Variants in NIBAN1 observed in about 807,000 individuals in gnomAD.
The protein encoded by NIBAN1 is protein Niban 1.
NIBAN1 carries 81 observed loss-of-function variants against 75.1 expected under a neutral mutation model. The observed-to-expected ratio is 1.08, with a 90% confidence interval of 0.90 to 1.30. The LOEUF (loss-of-function observed/expected upper bound fraction) is 1.30. Among genes scored for constraint, NIBAN1 ranks in the 50% most tolerant of loss-of-function variants. The pLI is 0.00. For synonymous variants in NIBAN1, 436 were observed against 424.8 expected (o/e 1.03, Z -0.32); for missense variants, 1,133 against 1,128.1 (o/e 1.00, Z -0.06).
intron 3 of NIBAN1, 98 bp downstream of exon 3, chr1:184,893,977 G>A (rs1300210065): frequency 7.9e-7 from 1 of 1,265,014 alleles, no homozygotes. Flanking sequence ...TGCTGATTTT[G>A]TTAGTATAGC....
At chr1:184,956,317 G>C (rs544147202) in intron 1 of NIBAN1, among the ~76,000 whole-genome samples, 1 of 152,304 alleles carries the variant, frequency 6.6e-6, no homozygotes, top group African/African-American at 2.4e-5. Flanking sequence ...AGCCAGGTCA[G>C]AGATTATTGA....
chr1:184,829,131 C>T (rs1246607253), intron 6 of NIBAN1, among the ~76,000 whole-genome samples: 1 of 152,126 alleles, frequency 6.6e-6, no homozygotes, highest in African/African-American at 2.4e-5. Context: ...ACACTTGATA[C>T]CTCCAGTGAT....
intron 8 of NIBAN1, 89 bp from the exon 9 acceptor site, chr1:184,818,914 A>G (rs1333603427): frequency 7.1e-7 from 1 of 1,411,712 alleles, no homozygotes; most frequent in East Asian, 2.3e-5. Flanking sequence ...ATGGTGCCCC[A>G]CGGAGCCATT....
chr1:184,844,508 G>A lies in NIBAN1; in HGVS notation c.602-12546C>T, dbSNP rs1188760265. ...GCAATCTCATGAGACAGGTAAGCCAGATGTAATCATTTCTGGTAGAAAATG... is the reference window on the plus strand; with the variant it reads ...GCAATCTCATGAGACAGGTAAGCCAAATGTAATCATTTCTGGTAGAAAATG... On this transcript the variant is annotated intron_variant, in intron 5 of 13. Coordinates refer to ENST00000367511, the MANE Select transcript of NIBAN1 (RefSeq NM_052966.4). 3.3e-5 allele frequency among the ~76,000 whole-genome samples: 5 copies of A among 152,178 alleles called. No individual in the cohort carries two copies. The East Asian group carries it at 9.6e-4, about 29-fold the overall frequency.
intron 1 of NIBAN1, among the ~76,000 whole-genome samples, chr1:184,967,551 G>C (rs1658828271): frequency 6.6e-6 from 1 of 152,030 alleles, no homozygotes. Context: ...TTACAAATTG[G>C]GCTCCTGCTA....
At chr1:184,854,697 A>C (rs1358110232) in intron 5 of NIBAN1, among the ~76,000 whole-genome samples, 6 of 152,346 alleles carry the variant, frequency 3.9e-5, no homozygotes, top group African/African-American at 1.2e-4. Context: ...GCAACAATCC[A>C]CTATATTTAT....
At chr1:184,891,531 T>G (rs904705322) in intron 3 of NIBAN1, among the ~76,000 whole-genome samples, 2 of 152,192 alleles carry the variant, frequency 1.3e-5, no homozygotes, top group African/African-American at 4.8e-5. Context: ...TTATACCACT[T>G]AATCCTCAAA....
intron 1 of NIBAN1, among the ~76,000 whole-genome samples, chr1:184,971,619 G>C (rs547683890): frequency 1.3e-5 from 2 of 152,142 alleles, no homozygotes; most frequent in Admixed American, 1.3e-4. Context: ...GCAGTGATCC[G>C]AGATCGTGCC....
chr1:184,835,457 C>A (rs1655113162), intron 5 of NIBAN1, among the ~76,000 whole-genome samples: 1 of 152,008 alleles, frequency 6.6e-6, no homozygotes, highest in Admixed American at 6.6e-5. Flanking sequence ...TCATGATATT[C>A]TTTCTTTCTA....
chr1:184,817,694 T>A (rs1571488331), intron 9 of NIBAN1, among the ~76,000 whole-genome samples: 1 of 152,288 alleles, frequency 6.6e-6, no homozygotes, highest in East Asian at 1.9e-4. Flanking sequence ...GCTGTTCATA[T>A]CCTTTGCAAA....
chr1:184,934,582 A>C (rs1056256476), intron 1 of NIBAN1, among the ~76,000 whole-genome samples: 3 of 152,160 alleles, frequency 2.0e-5, no homozygotes, highest in East Asian at 1.9e-4. Context: ...TGGACAACAC[A>C]GTAAGACTCC....
At chr1:184,800,411 T>G (rs1324063703) in intron 12 of NIBAN1, among the ~76,000 whole-genome samples, 16 of 152,134 alleles carry the variant, frequency 1.1e-4, no homozygotes, top group African/African-American at 3.9e-4. Context: ...TGCCATTGCT[T>G]TTGGCGTTTT....
chr1:184,803,479 T>G (rs1371827449), intron 12 of NIBAN1, 106 bp downstream of exon 12: 5 of 807,518 alleles, frequency 6.2e-6, no homozygotes, highest in Non-Finnish European at 1.0e-5. Context: ...TGTCTGCCAA[T>G]CCCTCCCTGG....
chr1:184,825,097 G>A (rs147162647), intron 6 of NIBAN1, among the ~76,000 whole-genome samples: 62 of 152,258 alleles, frequency 4.1e-4, no homozygotes, highest in African/African-American at 1.3e-3. Flanking sequence ...CTATTGAGAG[G>A]GCAGCTCTCA....
chr1:184,836,859 T>C (rs1655159013), intron 5 of NIBAN1, among the ~76,000 whole-genome samples: 1 of 152,232 alleles, frequency 6.6e-6, no homozygotes, highest in African/African-American at 2.4e-5. Flanking sequence ...TTTCAGCTAA[T>C]AAACTGTTAA....
Position 184,838,379 on chromosome 1 carries a change from C to G in NIBAN1, c.602-6417G>C, listed in dbSNP as rs540950018. Among the ~76,000 whole-genome samples, 3 of 152,182 alleles carry G rather than the reference C, an allele frequency of 2.0e-5. No individual in the cohort carries two copies. In the East Asian group the frequency reaches 5.8e-4, roughly 29 times the overall value. Reference sequence around the variant, plus strand: ...CCTTCTATGTTTCTGGCCAACTCAACGATACAAAAACATTCACCAGATCAG... The same window carrying G: ...CCTTCTATGTTTCTGGCCAACTCAAGGATACAAAAACATTCACCAGATCAG... On this transcript the variant is annotated intron_variant, in intron 5 of 13. Coordinates refer to ENST00000367511, the MANE Select transcript of NIBAN1 (RefSeq NM_052966.4).
intron 5 of NIBAN1, among the ~76,000 whole-genome samples, chr1:184,870,294 CT>C (rs11295180): frequency 0.067 from 10,255 of 152,224 alleles, 1,135 homozygotes; most frequent in African/African-American, 0.23. Context: ...TTTAAACTCT[CT>C]TTGATAGAAA....
chr1:184,965,047 C>T (rs1658744660), intron 1 of NIBAN1, among the ~76,000 whole-genome samples: 1 of 152,178 alleles, frequency 6.6e-6, no homozygotes, highest in Non-Finnish European at 1.5e-5. Flanking sequence ...CGCCTGTAAT[C>T]CCAGCACTTT....
In NIBAN1 at chr1:184,886,300, T is replaced by C. The variant is rs186542493; in HGVS notation, c.434-1500A>G. On this transcript the variant is annotated intron_variant, in intron 4 of 13. Transcript: ENST00000367511. Reference sequence around the variant, plus strand: ...AGGGTAGGGAGGCGGGGGAGGGGAATGAGATGGATTCCCGTGCTGTTCCCC... The same window carrying C: ...AGGGTAGGGAGGCGGGGGAGGGGAACGAGATGGATTCCCGTGCTGTTCCCC... 3.4e-3 allele frequency among the ~76,000 whole-genome samples: 514 copies of C among 152,184 alleles called. 7 individuals carry two copies. The East Asian group carries it at 0.039, about 11-fold the overall frequency.
Sources: allele counts gnomAD v4.1 joint callset (sites outside exome capture counted in the v4.1 genomes callset), GRCh38; gene constraint gnomAD v4.1.1; transcripts MANE v1.5; gene names NCBI Gene and HGNC (gene_info 2026-07-23, HGNC 2026-07-21).